IPO8: variants seen among roughly 807,000 people sequenced by gnomAD.
IPO8 encodes the protein importin-8.
In IPO8, 65 loss-of-function variants were observed where a neutral mutation model predicts 141.2. That is an observed-to-expected ratio of 0.46 (90% CI 0.38 to 0.57). The LOEUF (loss-of-function observed/expected upper bound fraction) is 0.57. Ranked by LOEUF, IPO8 falls within the 20% of genes least tolerant of loss-of-function variation. IPO8 has a pLI of 0.00. For missense variants in IPO8, 980 were observed against 1,246.8 expected (o/e 0.79, Z 3.22); for synonymous variants, 411 against 420.3 (o/e 0.98, Z 0.27).
At chr12:30,664,830 C>G (rs546792944) in intron 13 of IPO8, among the ~76,000 whole-genome samples, 1 of 152,262 alleles carries the variant, frequency 6.6e-6, no homozygotes. Flanking sequence ...ACCTCCGCCT[C>G]CCGGGTTCAA....
Position 30,652,969 on chromosome 12 carries a change from G to A in IPO8, c.2072C>T (p.Thr691Ile). Reference protein sequence around the residue: ...VFQQDCFEYFTDMMPLLHNYV... With the variant: ...VFQQDCFEYFIDMMPLLHNYV... Reference sequence around the variant, plus strand: ...ATTTTATATGGTCAAAGCCATACCTGTAAAGTATTCAAAGCAATCCTGCTG... The same window carrying A: ...ATTTTATATGGTCAAAGCCATACCTATAAAGTATTCAAAGCAATCCTGCTG... The change falls in exon 18 of 25, where the codon ACA becomes ATA. Residue 691 changes from threonine to isoleucine, a missense_variant and splice_region_variant. This residue lies in a region of IPO8 where 924 missense variants were observed against 1,153.9 expected (regional missense o/e 0.80). Transcript: ENST00000256079. 1 of 1,605,996 alleles carries A rather than the reference G, an allele frequency of 6.2e-7. No individual in the cohort carries two copies. Among genetic ancestry groups the A allele is most frequent in the Admixed American group, 1.7e-5 (1 of 58,476 alleles).
At position 30,671,004 on chromosome 12, in the gene IPO8, C is replaced by A; in HGVS notation, c.1002G>T (p.Val334=). 6.2e-7 allele frequency: 1 copy of A among 1,613,674 alleles called. No homozygotes were observed. Among genetic ancestry groups the A allele is most frequent in the Non-Finnish European group, 8.5e-7 (1 of 1,179,680 alleles). Residue 334 remains valine (V), a synonymous_variant, in exon 9 of 25, where the codon GTG becomes GTT. Transcript: ENST00000256079. ...TCTGCTTCCAGGTTATAGAATGAAC[C>A]ACCCCTTGGTTGAGATAGTTGAATG... ...QQAFNYLNQG[V]VHSITWKQMK...
rs555265517 is a variant in IPO8, at chr12:30,685,054, C to T, written c.167-597G>A. Among the ~76,000 whole-genome samples the T allele has an allele frequency of 1.3e-4, 20 of 152,172 alleles. 1 individual carries two copies. In the South Asian group the frequency reaches 2.9e-3, roughly 22 times the overall value. On this transcript the variant is annotated intron_variant, in intron 2 of 24. Coordinates refer to ENST00000256079, the MANE Select transcript of IPO8 (RefSeq NM_006390.4). ...CTGATTTTGTTCTGTTCTTTTTAAT[C>T]GTCTTCAACCTTTAACAAAAGGCTT...
At chr12:30,638,791 C>T (rs928198642) in intron 21 of IPO8, among the ~76,000 whole-genome samples, 2 of 152,048 alleles carry the variant, frequency 1.3e-5, no homozygotes, top group Non-Finnish European at 2.9e-5. Flanking sequence ...CTCAGCCTCC[C>T]GAGTAGCTGG....
rs2053328258 is a variant in IPO8, at chr12:30,695,348, A to G, written c.84+216T>C. 6.6e-6 allele frequency among the ~76,000 whole-genome samples: 1 copy of G among 152,180 alleles called. No individual in the cohort carries two copies. Among genetic ancestry groups the G allele is most frequent in the African/African-American group, 2.4e-5 (1 of 41,446 alleles). ...AAGGGAGACGACACGAAAAGGTGCA[A>G]AGGTGGCCAACAGGTGCGCGAGCTG... is the stretch of plus-strand genomic sequence containing the variant. On this transcript the variant is annotated intron_variant, in intron 1 of 24. Transcript: ENST00000256079. This position sits in a 1 kb window ranked among gnomAD's most constrained non-coding sequence, Gnocchi z 4.2.
intron 2 of IPO8, 22 bp from the exon 3 acceptor site, chr12:30,684,479 A>C (rs899846722): frequency 1.2e-6 from 2 of 1,612,100 alleles, no homozygotes; most frequent in Non-Finnish European, 1.7e-6. Context: ...AAAAAATGCT[A>C]ATGTAGCAGT....
chr12:30,648,806 C>A (rs1402142379), intron 20 of IPO8, among the ~76,000 whole-genome samples: 1 of 151,748 alleles, frequency 6.6e-6, no homozygotes, highest in Non-Finnish European at 1.5e-5. Flanking sequence ...AGAAAAGGTA[C>A]CTAGGAGTAT....
chr12:30,633,029 C>T (rs1038724553), intron 23 of IPO8, among the ~76,000 whole-genome samples: 1 of 152,204 alleles, frequency 6.6e-6, no homozygotes, highest in Non-Finnish European at 1.5e-5. Context: ...GATTATGACA[C>T]ACCCATGTCT....
chr12:30,675,900 C>T (rs2053114576), intron 6 of IPO8, among the ~76,000 whole-genome samples: 1 of 150,954 alleles, frequency 6.6e-6, no homozygotes, highest in Non-Finnish European at 1.5e-5. Flanking sequence ...CATTCATAAT[C>T]ATAAAAATAT....
chr12:30,641,605 A>T (rs2052576398), intron 20 of IPO8, among the ~76,000 whole-genome samples: 1 of 151,840 alleles, frequency 6.6e-6, no homozygotes, highest in Non-Finnish European at 1.5e-5. Context: ...AAGTGAATCA[A>T]CCAAATGAGG....
At chr12:30,659,430 T>C (rs1379745465) in intron 16 of IPO8, among the ~76,000 whole-genome samples, 4 of 150,694 alleles carry the variant, frequency 2.7e-5, no homozygotes, top group Non-Finnish European at 5.9e-5. Flanking sequence ...TGAGCTGAGA[T>C]TGTGTCACTG....
In IPO8 at chr12:30,665,207, A is replaced by G; in HGVS notation, c.1428+13T>C. On this transcript the variant is annotated intron_variant, in intron 13 of 24. Coordinates refer to ENST00000256079, the MANE Select transcript of IPO8 (RefSeq NM_006390.4). Reference sequence around the variant, plus strand: ...AAGATTTAAGATACATAACAGAAATATGAAAAACTTACTCTAGCTCGAAGA... The same window carrying G: ...AAGATTTAAGATACATAACAGAAATGTGAAAAACTTACTCTAGCTCGAAGA... 1 of 1,372,536 alleles carries G rather than the reference A, an allele frequency of 7.3e-7. No homozygotes were observed. Among genetic ancestry groups the G allele is most frequent in the Non-Finnish European group, 1.0e-6 (1 of 977,934 alleles). The allele number at this position is 1,372,536 out of a possible 1,614,324, so 85.0% of individuals were successfully genotyped here. A position where few individuals can be genotyped will look rare whatever the true frequency, so the allele number is the denominator to read the frequency against.
At chr12:30,693,161 G>GAAA (rs1232059309) in intron 1 of IPO8, among the ~76,000 whole-genome samples, 3 of 152,142 alleles carry the variant, frequency 2.0e-5, no homozygotes, top group Non-Finnish European at 4.4e-5. Context: ...ACACCTTTCT[G>GAAA]GATGAATTAC....
intron 18 of IPO8, 149 bp downstream of exon 18, chr12:30,652,818 C>T (rs887280569): frequency 2.8e-6 from 2 of 717,248 alleles, no homozygotes; most frequent in African/African-American, 3.6e-5. Context: ...CTGAAAAACA[C>T]TGCTACAATA....
intron 9 of IPO8, among the ~76,000 whole-genome samples, chr12:30,670,067 T>C (rs574531978): frequency 1.3e-5 from 2 of 152,290 alleles, no homozygotes; most frequent in Admixed American, 6.5e-5. Context: ...AGAGAAGAAA[T>C]GTTATCACAA....
At chr12:30,649,447 G>A (rs2052694658) in intron 19 of IPO8, among the ~76,000 whole-genome samples, 1 of 151,994 alleles carries the variant, frequency 6.6e-6, no homozygotes, top group South Asian at 2.1e-4. Context: ...ATTTGACCTT[G>A]GATTAATAAA....
intron 5 of IPO8, among the ~76,000 whole-genome samples, chr12:30,679,596 A>T (rs1468729364): frequency 6.6e-6 from 1 of 152,100 alleles, no homozygotes. Context: ...GAAAAAAAAA[A>T]ATATCTGCCT....
At chr12:30,691,252 G>A (rs951453235) in intron 1 of IPO8, among the ~76,000 whole-genome samples, 22 of 152,196 alleles carry the variant, frequency 1.4e-4, no homozygotes, top group African/African-American at 4.1e-4. Context: ...AAAGTTGAGC[G>A]TGAGCAATGG....
chr12:30,630,980 G>A (rs745677911), intron 24 of IPO8, 23 bp from the exon 25 acceptor site: 18 of 1,580,110 alleles, frequency 1.1e-5, no homozygotes, highest in Admixed American at 1.7e-5. Flanking sequence ...AAAAGAAAAG[G>A]GGAGAAGAAA....
Sources: allele counts gnomAD v4.1 joint callset (sites outside exome capture counted in the v4.1 genomes callset), GRCh38; gene constraint gnomAD v4.1.1; regional missense constraint gnomAD v4.1.1; non-coding constraint Gnocchi (gnomAD v3.1); transcripts MANE v1.5; gene names NCBI Gene and HGNC (gene_info 2026-07-23, HGNC 2026-07-21).